SLC2A13: variants seen among roughly 807,000 people sequenced by gnomAD.
SLC2A13 encodes the protein solute carrier family 2 member 13, also known as proton myo-inositol cotransporter.
In SLC2A13, 32 loss-of-function variants were observed where a neutral mutation model predicts 64.4. The ratio of observed to expected loss-of-function variants is 0.50; its 90% CI spans 0.37 to 0.67. SLC2A13 has a LOEUF of 0.67. Ranked by LOEUF, SLC2A13 falls within the 30% of genes least tolerant of loss-of-function variation. SLC2A13 has a pLI of 0.00. For synonymous variants in SLC2A13, 338 were observed against 327.1 expected, an observed-to-expected ratio of 1.03 and a Z score of -0.36; for missense variants, 743 against 829.2, an observed-to-expected ratio of 0.90 and a Z score of 1.28.
At chr12:39,866,774 C>T (rs1467685638) in intron 5 of SLC2A13, among the ~76,000 whole-genome samples, 1 of 152,126 alleles carries the variant, frequency 6.6e-6, no homozygotes, top group East Asian at 1.9e-4. Context: ...CCACAGCGCC[C>T]GGCCGAAAGA....
At chr12:39,878,949 C>A (rs1306773778) in intron 4 of SLC2A13, among the ~76,000 whole-genome samples, 2 of 152,366 alleles carry the variant, frequency 1.3e-5, no homozygotes, top group Admixed American at 1.3e-4. Context: ...CAGCCCAGAG[C>A]CTACTGCCCT....
In SLC2A13 at chr12:39,783,476, C is replaced by A. The variant is rs149591103; in HGVS notation, c.1446-18618G>T. On this transcript the variant is annotated intron_variant, in intron 7 of 9. Transcript: ENST00000280871. ...CTTCCACAATGGTTGAACTAGTTTA[C>A]AGTCCCACCAACAGTGTAAAAGTGT... Among the ~76,000 whole-genome samples, 595 of 152,314 alleles carry A rather than the reference C, an allele frequency of 3.9e-3. 5 individuals carry two copies. Among genetic ancestry groups the A allele is most frequent in the African/African-American group, 0.014 (562 of 41,568 alleles).
intron 7 of SLC2A13, among the ~76,000 whole-genome samples, chr12:39,771,966 A>G (rs1224290687): frequency 6.6e-6 from 1 of 152,134 alleles, no homozygotes; most frequent in African/African-American, 2.4e-5. Flanking sequence ...TACTCTTGAT[A>G]TCTACTGTCA....
At chr12:39,876,186 A>C (rs1453783851) in intron 4 of SLC2A13, among the ~76,000 whole-genome samples, 1 of 152,218 alleles carries the variant, frequency 6.6e-6, no homozygotes. Flanking sequence ...AGAACAGCCA[A>C]GGCCGGAAAT....
At chr12:39,981,696 C>T (rs1946904348) in intron 3 of SLC2A13, among the ~76,000 whole-genome samples, 2 of 152,042 alleles carry the variant, frequency 1.3e-5, no homozygotes, top group South Asian at 4.2e-4. Context: ...AGCTTACCCA[C>T]CAAAAAGAGT....
chr12:39,900,653 G>T (rs570900783), intron 4 of SLC2A13, among the ~76,000 whole-genome samples: 1 of 152,218 alleles, frequency 6.6e-6, no homozygotes, highest in South Asian at 2.1e-4. Context: ...ACCTCTTCAA[G>T]GAGAACCACA....
At chr12:39,825,637 G>T (rs1392946056) in intron 7 of SLC2A13, among the ~76,000 whole-genome samples, 1 of 152,026 alleles carries the variant, frequency 6.6e-6, no homozygotes, top group African/African-American at 2.4e-5. Flanking sequence ...ATTCTCTTAT[G>T]AATTTAAAAA....
At position 39,896,373 on chromosome 12, in the gene SLC2A13, CAT is replaced by C. The variant is rs369039186; in HGVS notation, c.1035-24414_1035-24413del. ...GTATGTATATGTGTATATATGTATA[CAT>C]ATATGTATGTATATGTGTATATATG... On this transcript the variant is annotated intron_variant, in intron 4 of 9. Transcript: ENST00000280871. Among the ~76,000 whole-genome samples, 441 of 105,934 alleles carry C rather than the reference CAT, an allele frequency of 4.2e-3. 2 individuals carry two copies. The highest frequency in any genetic ancestry group is 0.016 in the African/African-American group (423 of 26,866). 69.5% of individuals were successfully genotyped at this position (105,934 alleles called of 152,430 possible).
rs765883417 is a variant in SLC2A13, at chr12:39,836,269, G to A, written c.1320-6041C>T. 3.6e-4 allele frequency among the ~76,000 whole-genome samples: 55 copies of A among 152,060 alleles called. 1 individual carries two copies. Among genetic ancestry groups the A allele is most frequent in the Admixed American group, 3.0e-3 (45 of 15,248 alleles). On this transcript the variant is annotated intron_variant, in intron 6 of 9. Coordinates refer to ENST00000280871, the MANE Select transcript of SLC2A13 (RefSeq NM_052885.4). ...CTCTACTGTGGGATGTGAGTGCTGG[G>A]GGAACTGAATGCAGATATATTAGAA... is the stretch of plus-strand genomic sequence containing the variant.
intron 7 of SLC2A13, among the ~76,000 whole-genome samples, chr12:39,777,238 G>T (rs1040719792): frequency 6.6e-6 from 1 of 152,164 alleles, no homozygotes; most frequent in Non-Finnish European, 1.5e-5. Flanking sequence ...GAAGAGACCG[G>T]ACTAAACTGA....
intron 3 of SLC2A13, among the ~76,000 whole-genome samples, chr12:39,991,181 G>T (rs988081878): frequency 3.3e-5 from 5 of 152,152 alleles, no homozygotes; most frequent in African/African-American, 1.2e-4. Context: ...TTGTAGAACT[G>T]CCCACAGTTT....
At chr12:39,891,330 C>A (rs1292170930) in intron 4 of SLC2A13, among the ~76,000 whole-genome samples, 8 of 151,792 alleles carry the variant, frequency 5.3e-5, no homozygotes, top group African/African-American at 1.9e-4. Context: ...CTCTCAGCAA[C>A]TGGAGGAGGG....
intron 3 of SLC2A13, among the ~76,000 whole-genome samples, chr12:39,976,588 G>C (rs573416893): frequency 1.3e-5 from 2 of 151,808 alleles, no homozygotes; most frequent in African/African-American, 4.8e-5. Context: ...AAGACTGGGG[G>C]GGTCTCACTA....
intron 3 of SLC2A13, among the ~76,000 whole-genome samples, chr12:39,968,263 C>T (rs951281502): frequency 5.3e-5 from 8 of 152,002 alleles, no homozygotes; most frequent in African/African-American, 9.7e-5. Flanking sequence ...TGGGGTGGTG[C>T]GGCGGGAGAG....
At chr12:39,935,619 T>C (rs1264861509) in intron 4 of SLC2A13, among the ~76,000 whole-genome samples, 1 of 152,166 alleles carries the variant, frequency 6.6e-6, no homozygotes. Context: ...TCTGCAGTTA[T>C]AATATAATAA....
chr12:39,959,907 T>TAACA (rs1444684430), intron 3 of SLC2A13, among the ~76,000 whole-genome samples: 1 of 152,236 alleles, frequency 6.6e-6, no homozygotes, highest in Non-Finnish European at 1.5e-5. Context: ...TTGCTGCATC[T>TAACA]ACCAACCAAC....
intron 1 of SLC2A13, among the ~76,000 whole-genome samples, chr12:40,087,299 A>G (rs899988998): frequency 6.6e-6 from 1 of 152,198 alleles, no homozygotes; most frequent in African/African-American, 2.4e-5. Flanking sequence ...ACATTTTCAT[A>G]GTACTCACTA....
intron 4 of SLC2A13, among the ~76,000 whole-genome samples, chr12:39,940,882 A>C: frequency 6.8e-6 from 1 of 146,642 alleles, no homozygotes; most frequent in South Asian, 2.2e-4. Context: ...CTTCCCCCTC[A>C]AGTCCCCAAA....
chr12:39,910,039 A>G (rs997145490), intron 4 of SLC2A13, among the ~76,000 whole-genome samples: 1 of 152,018 alleles, frequency 6.6e-6, no homozygotes, highest in African/African-American at 2.4e-5. Flanking sequence ...AAGGGTCCTT[A>G]GATACATTAG....
Sources: gnomAD v4.1 joint callset for allele counts (sites outside exome capture counted in the v4.1 genomes callset) on GRCh38, gnomAD v4.1.1 for gene constraint, MANE v1.5 for transcripts, NCBI Gene and HGNC (gene_info 2026-07-23, HGNC 2026-07-21) for gene names.